Variants in C16orf92 observed in about 807,000 individuals in gnomAD.
The protein encoded by C16orf92 is fertilization-influencing membrane protein.
C16orf92 carries 14 observed loss-of-function variants against 13.7 expected under a neutral mutation model. The ratio of observed to expected loss-of-function variants is 1.02; its 90% CI spans 0.67 to 1.60. C16orf92 has a LOEUF of 1.60. Ranked by LOEUF, C16orf92 falls within the 40% of genes most tolerant of loss-of-function variation. The pLI, the probability that C16orf92 is intolerant of heterozygous loss-of-function variation, is 0.00. For synonymous variants in C16orf92, 50 were observed against 57.4 expected, an observed-to-expected ratio of 0.87 and a Z score of 0.58; for missense variants, 116 against 139.0, an observed-to-expected ratio of 0.83 and a Z score of 0.83.
At position 30,023,222 on chromosome 16, in the gene C16orf92, TGA is replaced by T; in HGVS notation, c.-115_-114del. On this transcript the variant is annotated 5_prime_UTR_variant, in exon 1 of 4. It introduces an in-frame stop codon into an upstream open reading frame of the 5' UTR. Transcript: ENST00000681219. ...CCTCTCTTCTCCTCTCCTCTTCTGA[TGA>T]GAGTGAGGGATGGGGGAGGGGTCCC... is the stretch of plus-strand genomic sequence containing the variant. 1.2e-6 allele frequency: 1 copy of T among 828,722 alleles called. No homozygotes were observed. Among genetic ancestry groups the T allele is most frequent in the Non-Finnish European group, 2.0e-6 (1 of 509,560 alleles). The allele number at this position is 828,722 out of a possible 1,614,324, so 51.3% of individuals were successfully genotyped here. A position where few individuals can be genotyped will look rare whatever the true frequency, so the allele number is the denominator to read the frequency against.
At chr16:30,023,493 T>C (rs1356295895) in intron 1 of C16orf92, 89 bp downstream of exon 1, 6 of 1,428,346 alleles carry the variant, frequency 4.2e-6, no homozygotes, top group African/African-American at 2.8e-5. Context: ...AAGCCAACCC[T>C]GCACCCTCTC....
In C16orf92 at chr16:30,024,405, A is replaced by C; in HGVS notation, c.*178A>C. Reference sequence around the variant, plus strand: ...ACCTCCTCCCTTCCCAGCCCCAAAGAACTTGGTGGCAAGGGCCTTGGTGGC... The same window carrying C: ...ACCTCCTCCCTTCCCAGCCCCAAAGCACTTGGTGGCAAGGGCCTTGGTGGC... On this transcript the variant is annotated 3_prime_UTR_variant, in exon 4 of 4. Transcript: ENST00000681219. 1 of 880,530 alleles carries C rather than the reference A, an allele frequency of 1.1e-6. No individual in the cohort carries two copies. Among genetic ancestry groups the C allele is most frequent in the Non-Finnish European group, 1.7e-6 (1 of 589,094 alleles). 54.5% of individuals were successfully genotyped at this position (880,530 alleles called of 1,614,324 possible).
chr16:30,025,227 A>G, downstream of C16orf92: 1 of 1,518,606 alleles, frequency 6.6e-7, no homozygotes, highest in South Asian at 1.2e-5. The surrounding 1 kb of genome is among the most constrained non-coding windows in gnomAD (Gnocchi z 4.1). Context: ...GAGCGGGGCC[A>G]GAAGAGGCGG....
chr16:30,023,635 G>C (rs773919329), intron 1 of C16orf92, 92 bp from the exon 2 acceptor site: 9 of 1,602,848 alleles, frequency 5.6e-6, no homozygotes, highest in Non-Finnish European at 7.7e-6. Flanking sequence ...ATAAGGCTGG[G>C]TGGTCTCACA....
downstream of C16orf92, among the ~76,000 whole-genome samples, chr16:30,026,230 G>A (rs556231876): frequency 1.3e-5 from 2 of 152,120 alleles, no homozygotes; most frequent in South Asian, 2.1e-4. Context: ...GAGAGACTCC[G>A]TCTTGGAAAG....
chr16:30,025,692 C>T (rs560422069), downstream of C16orf92: 3 of 1,604,118 alleles, frequency 1.9e-6, no homozygotes, highest in African/African-American at 2.7e-5. This position sits in a 1 kb window ranked among gnomAD's most constrained non-coding sequence, Gnocchi z 4.1. Context: ...GTGACCTCCC[C>T]ATTGGGCTCC....
intron 1 of C16orf92, 41 bp from the exon 2 acceptor site, chr16:30,023,686 G>A: frequency 1.2e-6 from 2 of 1,614,058 alleles, no homozygotes; most frequent in Non-Finnish European, 1.7e-6. Context: ...TAAAGGCAGG[G>A]GTCAGCTTGG....
downstream of C16orf92, chr16:30,026,638 T>C: frequency 6.2e-7 from 1 of 1,601,220 alleles, no homozygotes; most frequent in South Asian, 1.1e-5. Context: ...ACCAGCACCA[T>C]GGCGGCATGG....
downstream of C16orf92, chr16:30,026,660 G>A: frequency 6.2e-7 from 1 of 1,613,906 alleles, no homozygotes; most frequent in Non-Finnish European, 8.5e-7. Context: ...GGAGCACCAT[G>A]AGGAACTCCT....
chr16:30,023,550 C>T (rs1018723216), intron 1 of C16orf92, 146 bp downstream of exon 1: 206 of 1,413,684 alleles, frequency 1.5e-4, no homozygotes, highest in Non-Finnish European at 1.9e-4. Context: ...CCACCTACCC[C>T]CCAACAACCG....
downstream of C16orf92, chr16:30,025,266 A>G: frequency 6.5e-7 from 1 of 1,541,568 alleles, no homozygotes; most frequent in Non-Finnish European, 8.7e-7. This position sits in a 1 kb window ranked among gnomAD's most constrained non-coding sequence, Gnocchi z 4.1. Context: ...AGGAAGAACC[A>G]GTAGAGCTGA....
downstream of C16orf92, chr16:30,026,771 G>C: frequency 1.2e-6 from 2 of 1,614,196 alleles, no homozygotes; most frequent in African/African-American, 1.3e-5. Context: ...GCCAGTGACA[G>C]AGGAACATGG....
downstream of C16orf92, chr16:30,025,121 G>T: frequency 1.7e-6 from 2 of 1,176,280 alleles, no homozygotes; most frequent in Non-Finnish European, 2.3e-6. The surrounding 1 kb of genome is among the most constrained non-coding windows in gnomAD (Gnocchi z 4.1). Flanking sequence ...CCAGCCATCA[G>T]CCCCAGAGCC....
At chr16:30,026,650 G>A (rs1567297264), downstream of C16orf92, 1 of 1,613,806 alleles carries the variant, frequency 6.2e-7, no homozygotes, top group Non-Finnish European at 8.5e-7. Context: ...GCGGCATGGT[G>A]GAGCACCATG....
downstream of C16orf92, chr16:30,027,030 G>A: frequency 2.9e-6 from 2 of 689,562 alleles, no homozygotes; most frequent in South Asian, 1.5e-5. Context: ...AGTAAGAGAT[G>A]GTGCTGGGAT....
chr16:30,025,972 G>A (rs1280517382), downstream of C16orf92: 51 of 642,492 alleles, frequency 7.9e-5, 1 homozygote, highest in South Asian at 6.9e-4. The surrounding 1 kb of genome is among the most constrained non-coding windows in gnomAD (Gnocchi z 4.1). Flanking sequence ...AGTGGCTCAC[G>A]CCGGTAATCC....
Position 30,024,421 on chromosome 16 carries a change from C to T in C16orf92, c.*194C>T. 1 of 759,032 alleles carries T rather than the reference C, an allele frequency of 1.3e-6. No individual in the cohort carries two copies. Among genetic ancestry groups the T allele is most frequent in the South Asian group, 1.9e-5 (1 of 53,082 alleles). 47.0% of individuals were successfully genotyped at this position (759,032 alleles called of 1,614,324 possible). On this transcript the variant is annotated 3_prime_UTR_variant, in exon 4 of 4. Transcript: ENST00000681219. Reference sequence around the variant, plus strand: ...GCCCCAAAGAACTTGGTGGCAAGGGCCTTGGTGGCGTTCACGCAGATCGTC... The same window carrying T: ...GCCCCAAAGAACTTGGTGGCAAGGGTCTTGGTGGCGTTCACGCAGATCGTC...
At position 30,023,312 on chromosome 16, in the gene C16orf92, C is replaced by G. The variant is rs1284635532; in HGVS notation, c.-29C>G. The stretch of plus-strand genomic sequence containing the variant: ...TCAGAACAGCTCTGGGCTGTGACAT[C>G]ACAGAGCCCCCACCTCATGATAGGA... On this transcript the variant is annotated 5_prime_UTR_variant, in exon 1 of 4. It adds an upstream start codon to the 5' untranslated region. Transcript: ENST00000681219. The G allele has an allele frequency of 6.3e-7, 1 of 1,577,886 alleles. No homozygotes were observed. Among genetic ancestry groups the G allele is most frequent in the Admixed American group, 1.9e-5 (1 of 53,424 alleles).
At position 30,024,273 on chromosome 16, in the gene C16orf92, C is replaced by G; in HGVS notation, c.*46C>G. 1 of 1,599,090 alleles carries G rather than the reference C, an allele frequency of 6.3e-7. No homozygotes were observed. The highest frequency in any genetic ancestry group is 8.6e-7 in the Non-Finnish European group (1 of 1,167,664). Reference sequence around the variant, plus strand: ...GACTCAACCTGAGCACCCACACCCACCTCCTCTCCTGTTGATGAGCAAAAG... The same window carrying G: ...GACTCAACCTGAGCACCCACACCCAGCTCCTCTCCTGTTGATGAGCAAAAG... On this transcript the variant is annotated 3_prime_UTR_variant, in exon 4 of 4. Transcript: ENST00000681219.
Sources: allele counts gnomAD v4.1 joint callset (sites outside exome capture counted in the v4.1 genomes callset), GRCh38; gene constraint gnomAD v4.1.1; non-coding constraint Gnocchi (gnomAD v3.1); transcripts MANE v1.5; gene names NCBI Gene and HGNC (gene_info 2026-07-23, HGNC 2026-07-21).